The following SETDB1 variants were observed in gnomAD, a reference collection of about 807,000 sequenced individuals.
The protein encoded by SETDB1 is SET domain bifurcated histone lysine methyltransferase 1, also known as histone-lysine N-methyltransferase SETDB1.
SETDB1 carries 31 observed loss-of-function variants against 137.4 expected under a neutral mutation model. The observed-to-expected ratio is 0.23, with a 90% CI of 0.17 to 0.30. The LOEUF (loss-of-function observed/expected upper bound fraction) is 0.30, where lower values mean the gene tolerates loss of function less well. Ranked by LOEUF, SETDB1 falls within the 10% of genes least tolerant of loss-of-function variation. The probability of loss-of-function intolerance (pLI) is 1.00; values close to 1 mark genes in which losing one functional copy is unlikely to be tolerated. For synonymous variants in SETDB1, 548 were observed against 579.9 expected, an observed-to-expected ratio of 0.95 and a Z score of 0.79; for missense variants, 1,113 against 1,631.5, an observed-to-expected ratio of 0.68 and a Z score of 5.47.
rs1223999719 is a variant in SETDB1, at chr1:150,959,419, A to G, written c.2503+72A>G. On this transcript the variant is annotated intron_variant, in intron 15 of 21. Coordinates refer to ENST00000692827, the MANE Select transcript of SETDB1 (RefSeq NM_001366418.1). The stretch of plus-strand genomic sequence containing the variant: ...AGGGAATTGAACCAGAGACAAATTG[A>G]ACATAAGAAGAAAGTGCTTGACATG... The G allele has an allele frequency of 2.3e-6, 3 of 1,313,258 alleles. No homozygotes were observed. The African/African-American group carries it at 4.5e-5, about 20-fold the overall frequency. 81.4% of individuals were successfully genotyped at this position (1,313,258 alleles called of 1,614,324 possible). A position where few individuals can be genotyped will look rare whatever the true frequency, so the allele number is the denominator to read the frequency against.
rs1670201799 is a variant in SETDB1, at chr1:150,942,686, T to C, written c.671T>C (p.Val224Ala). 3 of 1,611,648 alleles carry C rather than the reference T, an allele frequency of 1.9e-6. No individual in the cohort carries two copies. Among genetic ancestry groups the C allele is most frequent in the East Asian group, 2.2e-5 (1 of 44,874 alleles). Residue 224 changes from valine (V) to alanine (A), a missense_variant and splice_region_variant, in exon 6 of 22, where the codon GTT becomes GCT. This residue lies in a region of SETDB1 where 154 missense variants were observed against 303.1 expected (regional missense o/e 0.51). Transcript: ENST00000692827. Reference sequence around the variant, plus strand: ...GGCACCCTTATTGCCATCCAGACAGTTGGTATGTGCAAACTTGGAGGAACC... The same window carrying C: ...GGCACCCTTATTGCCATCCAGACAGCTGGTATGTGCAAACTTGGAGGAACC... ...HKGTLIAIQT[V>A]GPGKKYKVKF...
Position 150,942,628 on chromosome 1 carries a change from C to T in SETDB1, c.613C>T (p.Leu205=), listed in dbSNP as rs1469478481. 1 of 1,613,810 alleles carries T rather than the reference C, an allele frequency of 6.2e-7. No individual in the cohort carries two copies. The highest frequency in any genetic ancestry group is 2.2e-5 in the East Asian group (1 of 44,888). The part of the protein sequence containing the change: ...DGDLIVSMRI[L]GKKRTKTWHK... ...TGACCTGATAGTCAGCATGCGAATT[C>T]TGGGCAAGAAGAGAACTAAGACTTG... The change falls in exon 6 of 22, where the codon CTG becomes TTG. Residue 205 remains leucine (L), a synonymous_variant. Transcript: ENST00000692827.
intron 9 of SETDB1, chr1:150,945,343 AT>A: frequency 5.0e-6 from 7 of 1,397,146 alleles, no homozygotes; most frequent in Non-Finnish European, 6.5e-6. Context: ...TGATTTATTT[AT>A]TTTTTTTCTT....
intron 17 of SETDB1, 39 bp from the exon 18 acceptor site, chr1:150,962,548 C>G: frequency 6.2e-7 from 1 of 1,608,796 alleles, no homozygotes; most frequent in Non-Finnish European, 8.5e-7. Context: ...TAAGAAACAG[C>G]CAGTAACCTG....
At position 150,936,389 on chromosome 1, in the gene SETDB1, A is replaced by T. The variant is rs150453078; in HGVS notation, c.413-3551A>T. On this transcript the variant is annotated intron_variant, in intron 3 of 21. Coordinates refer to ENST00000692827, the MANE Select transcript of SETDB1 (RefSeq NM_001366418.1). ...TGGAATAGTTTAGCTAGTGAGGCGA[A>T]TGCATTCAGAGTTACATTTAGTTCT... Among the ~76,000 whole-genome samples the T allele has an allele frequency of 1.7e-3, 262 of 152,250 alleles. 2 individuals carry two copies. Among genetic ancestry groups the T allele is most frequent in the African/African-American group, 6.1e-3 (252 of 41,548 alleles).
rs376137916 is a variant in SETDB1, at chr1:150,961,326, C to G, written c.3132+135C>G. 11 of 906,456 alleles carry G rather than the reference C, an allele frequency of 1.2e-5. No homozygotes were observed. In the East Asian group the frequency reaches 1.3e-4, roughly 11 times the overall value. The allele number at this position is 906,456 out of a possible 1,614,324, so 56.2% of individuals were successfully genotyped here. ...CTGTGGCCACCTCGTTATCTCTCCC[C>G]CTAACTAGCACATTCCTAGTGTTTG... On this transcript the variant is annotated intron_variant, in intron 16 of 21. Transcript: ENST00000692827.
At position 150,927,739 on chromosome 1, in the gene SETDB1, G is replaced by C; in HGVS notation, c.25G>C (p.Gly9Arg). 1 of 1,614,078 alleles carries C rather than the reference G, an allele frequency of 6.2e-7. No homozygotes were observed. The highest frequency in any genetic ancestry group is 8.5e-7 in the Non-Finnish European group (1 of 1,179,982). MSSLPGCIGLDAATATVES... is the reference protein window; with the variant it reads MSSLPGCIRLDAATATVES... Reference sequence around the variant, plus strand: ...CATGTCTTCCCTTCCTGGGTGCATTGGTTTGGATGCAGCAACAGCTACAGT... The same window carrying C: ...CATGTCTTCCCTTCCTGGGTGCATTCGTTTGGATGCAGCAACAGCTACAGT... The change falls in exon 2 of 22, where the codon GGT (glycine) becomes CGT (arginine). Residue 9 changes from glycine (G) to arginine (R), a missense_variant. Gly to Arg is a moderately radical substitution (Grantham distance 125). Transcript: ENST00000692827.
At chr1:150,936,242 G>T (rs1232323900) in intron 3 of SETDB1, among the ~76,000 whole-genome samples, 2 of 152,144 alleles carry the variant, frequency 1.3e-5, no homozygotes, top group Non-Finnish European at 2.9e-5. Context: ...GCCCGTCTCG[G>T]CCTCCCAAAG....
In SETDB1 at chr1:150,954,300, G is replaced by A. The variant is rs368340121; in HGVS notation, c.2333+2819G>A. Reference sequence around the variant, plus strand: ...ATCACACCACTACACTCTAGCCTGGGGTGACAGAGCATGACTCTTATCTCT... The same window carrying A: ...ATCACACCACTACACTCTAGCCTGGAGTGACAGAGCATGACTCTTATCTCT... On this transcript the variant is annotated intron_variant, in intron 14 of 21. Coordinates refer to ENST00000692827, the MANE Select transcript of SETDB1 (RefSeq NM_001366418.1). 2.7e-3 allele frequency among the ~76,000 whole-genome samples: 410 copies of A among 152,274 alleles called. 19 individuals carry two copies. The South Asian group carries it at 0.083, about 31-fold the overall frequency.
chr1:150,943,070 C>T lies in SETDB1; in HGVS notation c.875+17C>T. On this transcript the variant is annotated intron_variant, in intron 7 of 21. Transcript: ENST00000692827. ...CAAGCTCAGGTACCTGGACAGAGGA[C>T]TGTAAAGGGGTAGAGGCTGGGAGCA... 1 of 1,595,228 alleles carries T rather than the reference C, an allele frequency of 6.3e-7. No homozygotes were observed. The highest frequency in any genetic ancestry group is 2.2e-5 in the East Asian group (1 of 44,778).
intron 8 of SETDB1, among the ~76,000 whole-genome samples, chr1:150,944,395 C>A (rs918278024): frequency 2.6e-5 from 4 of 152,186 alleles, no homozygotes; most frequent in African/African-American, 9.6e-5. Context: ...TAGATGGAAC[C>A]TCATAGTGTC....
intron 3 of SETDB1, 56 bp from the exon 4 acceptor site, chr1:150,939,884 C>T (rs1670078267): frequency 2.2e-6 from 3 of 1,346,304 alleles, no homozygotes; most frequent in Middle Eastern, 1.9e-4. Flanking sequence ...TCTTAATTTC[C>T]CAGAAGTTCC....
At chr1:150,937,920 A>ATTATTATT (rs1669995705) in intron 3 of SETDB1, among the ~76,000 whole-genome samples, 1 of 152,162 alleles carries the variant, frequency 6.6e-6, no homozygotes, top group Non-Finnish European at 1.5e-5. Context: ...GCTATAAAAT[A>ATTATTATT]TTATTCAGCC....
Position 150,943,022 on chromosome 1 carries a change from G to A in SETDB1, c.844G>A (p.Ala282Thr), listed in dbSNP as rs1392704020. 1.2e-6 allele frequency: 2 copies of A among 1,614,008 alleles called. No homozygotes were observed. The highest frequency in any genetic ancestry group is 1.7e-5 in the Admixed American group (1 of 59,998). The part of the protein sequence containing the change: ...NQVWLYAGIV[A>T]ETPNVKNKLR... Reference sequence around the variant, plus strand: ...GGTCTGGCTCTATGCTGGCATTGTAGCTGAGACACCAAACGTCAAAAACAA... The same window carrying A: ...GGTCTGGCTCTATGCTGGCATTGTAACTGAGACACCAAACGTCAAAAACAA... Residue 282 changes from alanine (A) to threonine (T), a missense_variant, in exon 7 of 22, where the codon GCT becomes ACT. Coordinates refer to ENST00000692827, the MANE Select transcript of SETDB1 (RefSeq NM_001366418.1).
In SETDB1 at chr1:150,943,117, C is replaced by G. The variant is rs1670213401; in HGVS notation, c.875+64C>G. On this transcript the variant is annotated intron_variant, in intron 7 of 21. Transcript: ENST00000692827. ...AGCACAGCACCTGCCCTGTTCGTGC[C>G]ATAGACCAGATACCACAATTAGCTT... is the stretch of plus-strand genomic sequence containing the variant. The G allele has an allele frequency of 6.0e-6, 7 of 1,157,050 alleles. No homozygotes were observed. The Admixed American group carries it at 1.1e-4, about 19-fold the overall frequency. 71.7% of individuals were successfully genotyped at this position (1,157,050 alleles called of 1,614,324 possible).
chr1:150,940,875 G>T (rs749214870), intron 4 of SETDB1, among the ~76,000 whole-genome samples: 1 of 152,122 alleles, frequency 6.6e-6, no homozygotes, highest in Non-Finnish European at 1.5e-5. Context: ...GCACGTGCCT[G>T]TAGTCCCAGC....
At chr1:150,963,454 GTAGAATGTCCATTCATGA>G (rs1344392358) in intron 19 of SETDB1, 58 bp from the exon 20 acceptor site, 12 of 1,200,986 alleles carry the variant, frequency 1.0e-5, no homozygotes, top group Non-Finnish European at 1.4e-5. Flanking sequence ...AGAAATAGGG[GTAGAATGTCCATTCATGA>G]TAGAATGTCT....
chr1:150,928,656 C>T (rs587712797), intron 2 of SETDB1, among the ~76,000 whole-genome samples: 1 of 152,320 alleles, frequency 6.6e-6, no homozygotes, highest in East Asian at 1.9e-4. Flanking sequence ...GGTATATGTG[C>T]ACAACGTGCA....
chr1:150,953,690 G>A (rs189087550), intron 14 of SETDB1, among the ~76,000 whole-genome samples: 240 of 151,906 alleles, frequency 1.6e-3, no homozygotes, highest in African/African-American at 5.4e-3. Context: ...TTAGCCAGGC[G>A]TGATTGTGCA....
Sources: allele counts gnomAD v4.1 joint callset (sites outside exome capture counted in the v4.1 genomes callset), GRCh38; gene constraint gnomAD v4.1.1; regional missense constraint gnomAD v4.1.1; transcripts MANE v1.5; gene names NCBI Gene and HGNC (gene_info 2026-07-23, HGNC 2026-07-21).